The following GCN1 variants were observed in gnomAD, a reference collection of about 807,000 sequenced individuals.
GCN1 encodes GCN1 activator of EIF2AK4, also known as stalled ribosome sensor GCN1.
A neutral mutation model predicts 288.4 loss-of-function variants in GCN1; 90 were observed. The ratio of observed to expected loss-of-function variants is 0.31; its 90% CI spans 0.26 to 0.37. GCN1 has a LOEUF of 0.37. Ranked by LOEUF, GCN1 falls within the 10% of genes least tolerant of loss-of-function variation. GCN1 has a pLI of 1.00. For synonymous variants in GCN1, 1,386 were observed against 1,420.2 expected (o/e 0.98, Z 0.54); for missense variants, 2,586 against 3,419.9 (o/e 0.76, Z 6.08).
In GCN1 at chr12:120,179,492, C is replaced by T. The variant is rs575678158; in HGVS notation, c.427-542G>A. Among the ~76,000 whole-genome samples the T allele has an allele frequency of 4.7e-4, 71 of 151,782 alleles. 1 individual carries two copies. In the East Asian group the frequency reaches 7.2e-3, roughly 15 times the overall value. On this transcript the variant is annotated intron_variant, in intron 5 of 57. Coordinates refer to ENST00000300648, the MANE Select transcript of GCN1 (RefSeq NM_006836.2). ...TCAGCTCACTGCAAGCTCCGCCTCA[C>T]GGGTTCACACCATTCTCCTGCCTCA...
In GCN1 at chr12:120,151,139, G is replaced by A. The variant is rs1457451465; in HGVS notation, c.4309+6C>T. The A allele has an allele frequency of 1.6e-5, 26 of 1,611,980 alleles. No homozygotes were observed. The highest frequency in any genetic ancestry group is 2.7e-5 in the African/African-American group (2 of 74,924). ...GCTGGGCAGCCCCAAGCTCAGAGAT[G>A]CTCACCCTCTCGCCGGCGGAAGTTC... On this transcript the variant is annotated splice_donor_region_variant and intron_variant, in intron 34 of 57. Coordinates refer to ENST00000300648, the MANE Select transcript of GCN1 (RefSeq NM_006836.2).
chr12:120,182,182 C>A lies in GCN1; in HGVS notation c.426+1387G>T, dbSNP rs1028699099. On this transcript the variant is annotated intron_variant, in intron 5 of 57. Transcript: ENST00000300648. ...AACAAAAAAAAAAAAACAAAAAAAACCACTCAGTGCAGATAAGCCAATGAG... is the reference window on the plus strand; with the variant it reads ...AACAAAAAAAAAAAAACAAAAAAAAACACTCAGTGCAGATAAGCCAATGAG... Among the ~76,000 whole-genome samples, 6 of 151,360 alleles carry A rather than the reference C, an allele frequency of 4.0e-5. No homozygotes were observed. In the East Asian group the frequency reaches 7.8e-4, roughly 20 times the overall value.
In GCN1 at chr12:120,175,226, C is replaced by G. The variant is rs1048876734; in HGVS notation, c.1043-14G>C. 6.2e-7 allele frequency: 1 copy of G among 1,609,894 alleles called. No homozygotes were observed. Among genetic ancestry groups the G allele is most frequent in the Non-Finnish European group, 8.5e-7 (1 of 1,176,820 alleles). On this transcript the variant is annotated splice_polypyrimidine_tract_variant and intron_variant, in intron 11 of 57. Transcript: ENST00000300648. ...TTCCTTCCGAGCCTGAGAAGAGAGA[C>G]AGCAAAGATTCACATTCACATATGC...
In GCN1 at chr12:120,134,731, G is replaced by A. The variant is rs1157672460; in HGVS notation, c.7009-5C>T. On this transcript the variant is annotated splice_region_variant and splice_polypyrimidine_tract_variant and intron_variant, in intron 51 of 57. Transcript: ENST00000300648. This position sits in a 1 kb window ranked among gnomAD's most constrained non-coding sequence, Gnocchi z 5.0. ...GGGCTTCAGGGCAATCCCAACCTGT[G>A]GGAGGAACCCACATCCATGAAAGAC... The A allele has an allele frequency of 1.2e-6, 2 of 1,611,582 alleles. No individual in the cohort carries two copies. The highest frequency in any genetic ancestry group is 1.7e-5 in the Admixed American group (1 of 59,998).
chr12:120,131,850 G>A (rs1876835490), intron 54 of GCN1, 76 bp downstream of exon 54: 3 of 869,928 alleles, frequency 3.4e-6, no homozygotes, highest in East Asian at 5.3e-5. Context: ...CTGAGGGAGG[G>A]AGGGAGATGC....
At chr12:120,157,483 G>T (rs1322105131) in intron 26 of GCN1, among the ~76,000 whole-genome samples, 1 of 151,956 alleles carries the variant, frequency 6.6e-6, no homozygotes, top group Non-Finnish European at 1.5e-5. Context: ...CATACAAGAG[G>T]GCACATCACA....
In GCN1 at chr12:120,137,075, G is replaced by C; in HGVS notation, c.6777+131C>G. 1.4e-6 allele frequency: 1 copy of C among 702,422 alleles called. No individual in the cohort carries two copies. The highest frequency in any genetic ancestry group is 1.6e-5 in the South Asian group (1 of 61,568). 43.5% of individuals were successfully genotyped at this position (702,422 alleles called of 1,614,324 possible). On this transcript the variant is annotated intron_variant, in intron 50 of 57. Transcript: ENST00000300648. This position sits in a 1 kb window ranked among gnomAD's most constrained non-coding sequence, Gnocchi z 5.2. The stretch of plus-strand genomic sequence containing the variant: ...CCATGGAAGAAAACATGCTGTCTGC[G>C]AAGGTGCTGAACACCAACCACCACG...
chr12:120,146,136 G>A (rs560816514), intron 38 of GCN1, among the ~76,000 whole-genome samples: 59 of 151,798 alleles, frequency 3.9e-4, no homozygotes, highest in African/African-American at 1.4e-3. Flanking sequence ...GCATGGTGGT[G>A]GGCGGCTGTA....
intron 57 of GCN1, among the ~76,000 whole-genome samples, chr12:120,128,990 A>G (rs1264049967): frequency 6.6e-6 from 1 of 151,696 alleles, no homozygotes; most frequent in Non-Finnish European, 1.5e-5. Flanking sequence ...AAAGCCGCCC[A>G]CCACGCCTGG....
chr12:120,165,570 T>G (rs1878096027), intron 16 of GCN1, among the ~76,000 whole-genome samples: 1 of 151,900 alleles, frequency 6.6e-6, no homozygotes, highest in Non-Finnish European at 1.5e-5. Context: ...CAGGTTCAAC[T>G]AATTCTCCTG....
chr12:120,130,865 A>G lies in GCN1; in HGVS notation c.7564-112T>C, dbSNP rs1347560079. 7.6e-6 allele frequency: 5 copies of G among 653,962 alleles called. No individual in the cohort carries two copies. The East Asian group carries it at 1.1e-4, about 14-fold the overall frequency. The allele number at this position is 653,962 out of a possible 1,614,324, so 40.5% of individuals were successfully genotyped here. A position where few individuals can be genotyped will look rare whatever the true frequency, so the allele number is the denominator to read the frequency against. On this transcript the variant is annotated intron_variant, in intron 55 of 57. Coordinates refer to ENST00000300648, the MANE Select transcript of GCN1 (RefSeq NM_006836.2). ...CCCTCCACTACATCACCACCACATC[A>G]CCCCTTACACCATGACAGCTCTCAG...
chr12:120,138,951 A>G (rs983705191), intron 45 of GCN1, 95 bp from the exon 46 acceptor site: 1 of 1,014,402 alleles, frequency 9.9e-7, no homozygotes, highest in African/African-American at 1.6e-5. Context: ...TGACCCAGCT[A>G]GGCCACCCTA....
chr12:120,140,899 A>G lies in GCN1; in HGVS notation c.5954T>C (p.Ile1985Thr). ...GGACTTCATGATCTCACTTAGGCCA[A>G]TGCACACACCCTGCCTCTCATCGCT... Reference protein sequence around the residue: ...QKSDERQGVCIGLSEIMKSTS... With the variant: ...QKSDERQGVCTGLSEIMKSTS... Residue 1985 changes from isoleucine to threonine, a missense_variant, in exon 45 of 58, where the codon ATT becomes ACT. Around this residue, in one of 8 missense-constraint regions of GCN1, gnomAD observed 437 missense variants for 570.5 expected, o/e 0.77. Coordinates refer to ENST00000300648, the MANE Select transcript of GCN1 (RefSeq NM_006836.2). The G allele has an allele frequency of 6.2e-7, 1 of 1,614,078 alleles. No individual in the cohort carries two copies. The highest frequency in any genetic ancestry group is 8.5e-7 in the Non-Finnish European group (1 of 1,180,002).
rs754897440 is a variant in GCN1 at position 120,155,922 on chromosome 12, C to A, written c.3313-203G>T. ...TGTTTTTTTAATGTGAAAATTAAAACGTTAAATAAACCAGACAGATAAAAA... is the reference window on the plus strand; with the variant it reads ...TGTTTTTTTAATGTGAAAATTAAAAAGTTAAATAAACCAGACAGATAAAAA... On this transcript the variant is annotated intron_variant, in intron 28 of 57. Transcript: ENST00000300648. This position sits in a 1 kb window ranked among gnomAD's most constrained non-coding sequence, Gnocchi z 4.9. Among the ~76,000 whole-genome samples the A allele has an allele frequency of 1.3e-5, 2 of 152,054 alleles. No individual in the cohort carries two copies. The highest frequency in any genetic ancestry group is 4.1e-4 in the South Asian group (2 of 4,834).
At chr12:120,157,572 C>T (rs1417413761) in intron 26 of GCN1, among the ~76,000 whole-genome samples, 1 of 152,230 alleles carries the variant, frequency 6.6e-6, no homozygotes, top group Non-Finnish European at 1.5e-5. Context: ...AAACATGGTA[C>T]ATCCATAGCA....
In GCN1 at chr12:120,144,227, C is replaced by A. The variant is rs549036776; in HGVS notation, c.5495+79G>T. 3 of 1,510,724 alleles carry A rather than the reference C, an allele frequency of 2.0e-6. No homozygotes were observed. In the South Asian group the frequency reaches 3.4e-5, roughly 17 times the overall value. 93.6% of individuals were successfully genotyped at this position (1,510,724 alleles called of 1,614,324 possible). A position where few individuals can be genotyped will look rare whatever the true frequency, so the allele number is the denominator to read the frequency against. On this transcript the variant is annotated intron_variant, in intron 42 of 57. Coordinates refer to ENST00000300648, the MANE Select transcript of GCN1 (RefSeq NM_006836.2). This position sits in a 1 kb window ranked among gnomAD's most constrained non-coding sequence, Gnocchi z 4.7. The stretch of plus-strand genomic sequence containing the variant: ...CTGGGTTTAAGCAATCCTCCTGCCT[C>A]GGCTTTCCAGAGTGCTCGGATTATA...
Position 120,178,812 on chromosome 12 carries a change from T to C in GCN1, c.525+40A>G, listed in dbSNP as rs1181180189. ...TTAAGATGGCAGTGGGGGAGTGGCA[T>C]GGAAGAAGCAATGCCCACCAGCCCC... On this transcript the variant is annotated intron_variant, in intron 6 of 57. Coordinates refer to ENST00000300648, the MANE Select transcript of GCN1 (RefSeq NM_006836.2). 1.9e-6 allele frequency: 3 copies of C among 1,613,762 alleles called. No homozygotes were observed. In the South Asian group the frequency reaches 3.3e-5, roughly 18 times the overall value.
chr12:120,142,465 G>A lies in GCN1; in HGVS notation c.5829+42C>T, dbSNP rs1313974486. On this transcript the variant is annotated intron_variant, in intron 44 of 57. Transcript: ENST00000300648. This position sits in a 1 kb window ranked among gnomAD's most constrained non-coding sequence, Gnocchi z 4.9. ...CCAGCCTTCTAGGCTCTGAAAGGAG[G>A]CACTGGGGCTGCTGGTCCAAAACAA... The A allele has an allele frequency of 6.3e-6, 9 of 1,437,420 alleles. No individual in the cohort carries two copies. Among genetic ancestry groups the A allele is most frequent in the Non-Finnish European group, 8.8e-6 (9 of 1,020,358 alleles). The allele number at this position is 1,437,420 out of a possible 1,614,324, so 89.0% of individuals were successfully genotyped here.
chr12:120,184,776 C>T (rs757917931), intron 3 of GCN1, 48 bp downstream of exon 3: 1 of 1,342,968 alleles, frequency 7.4e-7, no homozygotes, highest in Non-Finnish European at 1.1e-6. Context: ...TCTAAATCCC[C>T]TCTCTGTACA....
Sources: allele counts gnomAD v4.1 joint callset (sites outside exome capture counted in the v4.1 genomes callset), GRCh38; gene constraint gnomAD v4.1.1; regional missense constraint gnomAD v4.1.1; non-coding constraint Gnocchi (gnomAD v3.1); transcripts MANE v1.5; gene names NCBI Gene and HGNC (gene_info 2026-07-23, HGNC 2026-07-21).